The following NBAS variants were observed in gnomAD, a reference collection of about 807,000 sequenced individuals.
NBAS encodes the protein NBAS subunit of NRZ tethering complex, also known as NAG/BC035112 fusion.
In NBAS, 219 loss-of-function variants were observed where a neutral mutation model predicts 302.5. The observed-to-expected ratio is 0.72, with a 90% confidence interval of 0.65 to 0.81. The LOEUF is 0.81. NBAS is among the 30% of genes least tolerant of loss of function. The pLI, the probability that NBAS is intolerant of heterozygous loss-of-function variation, is 0.00. For synonymous variants in NBAS, 1,118 were observed against 1,021.6 expected (o/e 1.09, Z -1.80); for missense variants, 2,932 against 2,841.6 (o/e 1.03, Z -0.72).
At chr2:15,005,685 G>C in the NBAS span, among the ~76,000 whole-genome samples, 1 of 152,214 alleles carries the variant, frequency 6.6e-6, no homozygotes. Flanking sequence ...AAGCTTGGCT[G>C]CCTACCTGCT....
the NBAS span, among the ~76,000 whole-genome samples, chr2:15,121,437 A>G: frequency 2.6e-5 from 4 of 152,182 alleles, no homozygotes; most frequent in African/African-American, 9.7e-5. Context: ...ATGGGTAGCA[A>G]AGACCAAAAA....
the NBAS span, among the ~76,000 whole-genome samples, chr2:14,914,774 A>C: frequency 6.6e-6 from 1 of 152,190 alleles, no homozygotes; most frequent in African/African-American, 2.4e-5. Flanking sequence ...AACTTCCCTG[A>C]GATAAGCGAT....
chr2:15,532,008 T>C (rs73915361), intron 9 of NBAS, among the ~76,000 whole-genome samples: 1,539 of 152,252 alleles, frequency 0.01, 37 homozygotes, highest in African/African-American at 0.035. Flanking sequence ...GAGGAAGATA[T>C]ACCCTAAGCA....
chr2:14,940,222 T>C, the NBAS span, among the ~76,000 whole-genome samples: 14 of 152,176 alleles, frequency 9.2e-5, no homozygotes, highest in South Asian at 2.1e-4. Flanking sequence ...AAGCCTCCAA[T>C]AGAAAGAAAC....
the NBAS span, among the ~76,000 whole-genome samples, chr2:15,038,216 A>G: frequency 6.7e-6 from 1 of 149,852 alleles, no homozygotes; most frequent in Non-Finnish European, 1.5e-5. Flanking sequence ...AGGTTCAAGC[A>G]ATTCTCCTGC....
chr2:15,464,715 A>G (rs1323544392), intron 19 of NBAS, among the ~76,000 whole-genome samples: 1 of 152,096 alleles, frequency 6.6e-6, no homozygotes, highest in Non-Finnish European at 1.5e-5. Flanking sequence ...ACTTTTTGTT[A>G]TTTCCTAAAC....
chr2:14,784,208 T>C, the NBAS span, among the ~76,000 whole-genome samples: 1 of 152,234 alleles, frequency 6.6e-6, no homozygotes, highest in Non-Finnish European at 1.5e-5. Flanking sequence ...TTGTAGACTC[T>C]GGATATTAGC....
At chr2:15,189,415 C>T (rs775380346) in intron 49 of NBAS, among the ~76,000 whole-genome samples, 2 of 152,166 alleles carry the variant, frequency 1.3e-5, no homozygotes, top group Non-Finnish European at 2.9e-5. Flanking sequence ...TCTTTAACCT[C>T]AGACACGTGG....
At chr2:15,286,683 T>C (rs948556877) in intron 42 of NBAS, among the ~76,000 whole-genome samples, 3 of 152,250 alleles carry the variant, frequency 2.0e-5, no homozygotes, top group Admixed American at 6.5e-5. Flanking sequence ...TTGCTAACTA[T>C]GCCAAACCCT....
intron 9 of NBAS, among the ~76,000 whole-genome samples, chr2:15,527,669 C>T (rs957708717): frequency 2.0e-5 from 3 of 152,124 alleles, no homozygotes; most frequent in South Asian, 2.1e-4. Context: ...AATGCCGTCG[C>T]ATTGGCCATT....
chr2:15,118,017 A>G, the NBAS span, among the ~76,000 whole-genome samples: 2 of 152,264 alleles, frequency 1.3e-5, no homozygotes, highest in Non-Finnish European at 2.9e-5. Context: ...TTATCAGAGC[A>G]TCCCCTGTGT....
At chr2:15,036,988 C>A in the NBAS span, among the ~76,000 whole-genome samples, 1 of 152,102 alleles carries the variant, frequency 6.6e-6, no homozygotes, top group Non-Finnish European at 1.5e-5. Context: ...TGGATATGGG[C>A]AGGCAATGGG....
chr2:15,012,944 G>C, the NBAS span, among the ~76,000 whole-genome samples: 2 of 151,678 alleles, frequency 1.3e-5, no homozygotes, highest in African/African-American at 4.8e-5. Flanking sequence ...TGCAACTTCT[G>C]CCTCCCAGGT....
At chr2:15,080,403 T>A in the NBAS span, among the ~76,000 whole-genome samples, 1 of 152,170 alleles carries the variant, frequency 6.6e-6, no homozygotes, top group Non-Finnish European at 1.5e-5. Flanking sequence ...CCTGTATCTC[T>A]CCAGAAACAT....
At chr2:14,841,860 A>G in the NBAS span, among the ~76,000 whole-genome samples, 4 of 152,050 alleles carry the variant, frequency 2.6e-5, no homozygotes, top group Admixed American at 2.6e-4. Flanking sequence ...CATTTACAGA[A>G]CATTTCACCC....
intron 15 of NBAS, among the ~76,000 whole-genome samples, chr2:15,473,851 T>C (rs1030622629): frequency 6.6e-6 from 1 of 152,220 alleles, no homozygotes; most frequent in Non-Finnish European, 1.5e-5. Context: ...ATAATCAGTC[T>C]AAGTGAATTC....
At chr2:14,805,911 A>C in the NBAS span, among the ~76,000 whole-genome samples, 1 of 152,136 alleles carries the variant, frequency 6.6e-6, no homozygotes, top group East Asian at 1.9e-4. Flanking sequence ...CATCTCCAGT[A>C]TAATGCCCTT....
chr2:15,206,419 T>G (rs1351818165), intron 48 of NBAS, among the ~76,000 whole-genome samples: 1 of 151,470 alleles, frequency 6.6e-6, no homozygotes, highest in Non-Finnish European at 1.5e-5. Flanking sequence ...AGCCTGACCA[T>G]GTGGTAGAAA....
At chr2:14,815,821 C>G in the NBAS span, among the ~76,000 whole-genome samples, 1 of 152,192 alleles carries the variant, frequency 6.6e-6, no homozygotes, top group East Asian at 1.9e-4. Flanking sequence ...GCTTTTCCTT[C>G]TGTAGTACCT....
Sources: allele counts gnomAD v4.1 joint callset (sites outside exome capture counted in the v4.1 genomes callset), GRCh38; gene constraint gnomAD v4.1.1; transcripts MANE v1.5; gene names NCBI Gene and HGNC (gene_info 2026-07-23, HGNC 2026-07-21).